The following LATS2 variants were observed in gnomAD, a reference collection of about 807,000 sequenced individuals.
The protein encoded by LATS2 is large tumor suppressor kinase 2, also known as serine/threonine-protein kinase LATS2.
Under a neutral mutation model 76.0 loss-of-function variants are expected in LATS2, and 24 were observed. The observed-to-expected ratio is 0.32, with a 90% CI of 0.23 to 0.44. LATS2 has a LOEUF of 0.44. Ranked by LOEUF, LATS2 falls within the 20% of genes least tolerant of loss-of-function variation. The pLI is 1.00. For missense variants in LATS2, 1,286 were observed against 1,481.2 expected (o/e 0.87, Z 2.16); for synonymous variants, 692 against 635.4 (o/e 1.09, Z -1.34).
intron 2 of LATS2, among the ~76,000 whole-genome samples, chr13:21,023,860 C>T (rs970515012): frequency 6.6e-6 from 1 of 151,556 alleles, no homozygotes; most frequent in Non-Finnish European, 1.5e-5. Context: ...ATAATTTCAG[C>T]TATTCAGGAG....
At chr13:20,987,030 C>T (rs1280056429) in intron 4 of LATS2, among the ~76,000 whole-genome samples, 1 of 152,052 alleles carries the variant, frequency 6.6e-6, no homozygotes. Context: ...CCCGTCTCTA[C>T]TAAAAACACA....
At position 20,973,980 on chromosome 13, in the gene LATS2, C is replaced by T. The variant is rs369490836; in HGVS notation, c.*890G>A. ...TGACAAATGTTTCAGTTCCCCCCCC[C>T]CAAAGAATCCAATCACAACCAAGAC... On this transcript the variant is annotated 3_prime_UTR_variant, in exon 8 of 8. Coordinates refer to ENST00000382592, the MANE Select transcript of LATS2 (RefSeq NM_014572.3). 9.9e-6 allele frequency: 2 copies of T among 201,842 alleles called. No individual in the cohort carries two copies. The highest frequency in any genetic ancestry group is 2.0e-5 in the Non-Finnish European group (2 of 101,786). The allele number at this position is 201,842 out of a possible 1,614,324, so 12.5% of individuals were successfully genotyped here.
intron 1 of LATS2, among the ~76,000 whole-genome samples, chr13:21,058,346 G>T (rs1337518216): frequency 6.6e-6 from 1 of 152,124 alleles, no homozygotes; most frequent in Admixed American, 6.6e-5. Context: ...ATACAAAAAA[G>T]AACACCTCTC....
Position 21,027,748 on chromosome 13 carries a change from C to T in LATS2, c.342+17937G>A, listed in dbSNP as rs565399406. On this transcript the variant is annotated intron_variant, in intron 2 of 7. Transcript: ENST00000382592. ...TGCTTTTGCTATTCTAGGTACTTTGCAGTGCCATATGAATTCACAATCAGC... is the reference window on the plus strand; with the variant it reads ...TGCTTTTGCTATTCTAGGTACTTTGTAGTGCCATATGAATTCACAATCAGC... 4.6e-5 allele frequency among the ~76,000 whole-genome samples: 7 copies of T among 152,072 alleles called. No homozygotes were observed. In the South Asian group the frequency reaches 1.2e-3, roughly 27 times the overall value.
Position 20,989,229 on chromosome 13 carries a change from T to C in LATS2, c.551A>G (p.His184Arg), listed in dbSNP as rs1565945811. 6.2e-7 allele frequency: 1 copy of C among 1,613,878 alleles called. No homozygotes were observed. The highest frequency in any genetic ancestry group is 1.7e-5 in the Admixed American group (1 of 60,016). Residue 184 changes from histidine (H) to arginine (R), a missense_variant, in exon 4 of 8, where the codon CAC becomes CGC. Transcript: ENST00000382592. ...CTCGTAGGGGGTACCGCTCAGCTGG[T>C]GGTAGGACGCAAACGAATCGCCGGT... ...EGTGDSFASY[H>R]QLSGTPYEGP...
At chr13:21,025,644 G>A (rs1872283484) in intron 2 of LATS2, among the ~76,000 whole-genome samples, 1 of 152,170 alleles carries the variant, frequency 6.6e-6, no homozygotes, top group Non-Finnish European at 1.5e-5. Flanking sequence ...CATTAGGTCT[G>A]CACTCATTGA....
At chr13:21,000,155 G>A (rs1426881303) in intron 2 of LATS2, among the ~76,000 whole-genome samples, 1 of 152,230 alleles carries the variant, frequency 6.6e-6, no homozygotes, top group Non-Finnish European at 1.5e-5. Context: ...GCCGAGGCGG[G>A]CAGATCACAA....
At chr13:21,038,625 T>C (rs1872758087) in intron 2 of LATS2, 1 of 152,192 alleles carries the variant, frequency 6.6e-6, no homozygotes, top group Non-Finnish European at 1.5e-5. Context: ...AATCGCACCT[T>C]GGACAAACTT....
At position 20,989,160 on chromosome 13, in the gene LATS2, A is replaced by T. The variant is rs1158753279; in HGVS notation, c.620T>A (p.Met207Lys). 1 of 1,612,698 alleles carries T rather than the reference A, an allele frequency of 6.2e-7. No individual in the cohort carries two copies. Among genetic ancestry groups the T allele is most frequent in the Non-Finnish European group, 8.5e-7 (1 of 1,179,800 alleles). Residue 207 changes from methionine (M) to lysine (K), a missense_variant, in exon 4 of 8, where the codon ATG becomes AAG. This residue lies in a region of LATS2 where 710 missense variants were observed against 660.9 expected (regional missense o/e 1.07). Transcript: ENST00000382592. ...AAGGTAGTCCACGTACGGCCGCGGC[A>T]TCTCCTCCAGCGCCGTGGGGCCGTC... The part of the protein sequence containing the change: ...GADGPTALEE[M>K]PRPYVDYLFP...
intron 2 of LATS2, among the ~76,000 whole-genome samples, chr13:21,002,543 T>C (rs1359805695): frequency 6.6e-6 from 1 of 151,870 alleles, no homozygotes. Context: ...ACCCAGCTAA[T>C]TTTCTGTATT....
In LATS2 at chr13:20,989,042, G is replaced by A. The variant is rs747132216; in HGVS notation, c.738C>T (p.Phe246=). The A allele has an allele frequency of 1.3e-5, 20 of 1,570,748 alleles. No homozygotes were observed. In the African/African-American group the frequency reaches 2.3e-4, roughly 18 times the overall value. ...GASVEAAGAH[F]PLQGAHYGRP... ...GCCCGTAGTGCGCGCCCTGCAGCGG[G>A]AAGTGTGCCCCTGCTGCCTCTACGC... Residue 246 remains phenylalanine (F), a synonymous_variant, in exon 4 of 8, where the codon TTC becomes TTT. Transcript: ENST00000382592.
intron 2 of LATS2, among the ~76,000 whole-genome samples, chr13:21,039,750 CA>C (rs1157460180): frequency 1.3e-5 from 2 of 152,198 alleles, no homozygotes; most frequent in African/African-American, 4.8e-5. Flanking sequence ...ACACAATGCC[CA>C]ATGCATGGAG....
At position 20,983,561 on chromosome 13, in the gene LATS2, G is replaced by T. The variant is rs761628306; in HGVS notation, c.2145C>A (p.Ala715=). The part of the protein sequence containing the change: ...LNRNQVAHVK[A]ERDILAEADN... ...CTGCCTCGGCCAGGATGTCCCTCTC[G>T]GCCTTGACGTGGGCCACCTGATTCC... Residue 715 remains alanine, a synonymous_variant, in exon 5 of 8, where the codon GCC becomes GCA. Coordinates refer to ENST00000382592, the MANE Select transcript of LATS2 (RefSeq NM_014572.3). The T allele has an allele frequency of 1.2e-6, 2 of 1,614,084 alleles. No homozygotes were observed. Among genetic ancestry groups the T allele is most frequent in the Non-Finnish European group, 1.7e-6 (2 of 1,180,014 alleles).
rs1870489528 is a variant in LATS2, at chr13:20,991,128, C to CA, written c.475+143dup. 15 of 1,062,324 alleles carry CA rather than the reference C, an allele frequency of 1.4e-5. No individual in the cohort carries two copies. The South Asian group carries it at 2.1e-4, about 15-fold the overall frequency. 65.8% of individuals were successfully genotyped at this position (1,062,324 alleles called of 1,614,324 possible). A position where few individuals can be genotyped will look rare whatever the true frequency, so the allele number is the denominator to read the frequency against. The stretch of plus-strand genomic sequence containing the variant: ...TGACTCTGTCAGGGCAGGGCAGGCT[C>CA]AGCTTGCCTGTTAACTGAATGAGGC... On this transcript the variant is annotated intron_variant, in intron 3 of 7. Coordinates refer to ENST00000382592, the MANE Select transcript of LATS2 (RefSeq NM_014572.3). This position sits in a 1 kb window ranked among gnomAD's most constrained non-coding sequence, Gnocchi z 4.9.
In LATS2 at chr13:20,987,996, T is replaced by C. The variant is rs1307289826; in HGVS notation, c.1784A>G (p.Lys595Arg). 6.2e-7 allele frequency: 1 copy of C among 1,614,284 alleles called. No homozygotes were observed. The change falls in exon 4 of 8, where the codon AAG (lysine) becomes AGG (arginine). Residue 595 changes from lysine to arginine, a missense_variant. Physicochemically the swap from Lys to Arg is conservative, Grantham distance 26. Around this residue, in one of 5 missense-constraint regions of LATS2, gnomAD observed 710 missense variants for 660.9 expected, o/e 1.07. Coordinates refer to ENST00000382592, the MANE Select transcript of LATS2 (RefSeq NM_014572.3). ...CTTAAAGGCGTATGGCGAGTAGCTC[T>C]TGATGCGTGACTCTCTCTTCTCTTC... The part of the protein sequence containing the change: ...RDEEKRESRI[K>R]SYSPYAFKFF...
At position 20,981,484 on chromosome 13, in the gene LATS2, C is replaced by T. The variant is rs1869880018; in HGVS notation, c.2647G>A (p.Glu883Lys). 1 of 1,613,676 alleles carries T rather than the reference C, an allele frequency of 6.2e-7. No homozygotes were observed. The highest frequency in any genetic ancestry group is 8.5e-7 in the Non-Finnish European group (1 of 1,179,806). ...CATGTACCTTTGCGGAGGAGCACCT[C>T]GGGTGCGATGTAGTTTGGAGTCCCC... ...LVGTPNYIAP[E>K]VLLRKGYTQL... Residue 883 changes from glutamate to lysine, a missense_variant, in exon 6 of 8, where the codon GAG (glutamate) becomes AAG (lysine). This residue lies in a region of LATS2 where 247 missense variants were observed against 385.4 expected (regional missense o/e 0.64). Coordinates refer to ENST00000382592, the MANE Select transcript of LATS2 (RefSeq NM_014572.3).
chr13:20,978,442 T>C (rs1869726916), intron 7 of LATS2, among the ~76,000 whole-genome samples: 1 of 152,318 alleles, frequency 6.6e-6, no homozygotes, highest in African/African-American at 2.4e-5. Context: ...AATAATTTAG[T>C]ATTAAATGAC....
intron 2 of LATS2, among the ~76,000 whole-genome samples, chr13:21,004,606 G>A (rs1356938616): frequency 1.3e-5 from 2 of 152,192 alleles, no homozygotes; most frequent in African/African-American, 4.8e-5. Flanking sequence ...TAGGAAACCA[G>A]CAATGCAGTG....
At chr13:21,017,611 T>C (rs531869155) in intron 2 of LATS2, among the ~76,000 whole-genome samples, 47 of 139,972 alleles carry the variant, frequency 3.4e-4, no homozygotes, top group Non-Finnish European at 5.6e-4. Context: ...CTTCAAAAGA[T>C]GACTCATTTC....
Sources: gnomAD v4.1 joint callset for allele counts (sites outside exome capture counted in the v4.1 genomes callset) on GRCh38, gnomAD v4.1.1 for gene constraint, gnomAD v4.1.1 regional missense constraint, Gnocchi (gnomAD v3.1) non-coding constraint, MANE v1.5 for transcripts, NCBI Gene and HGNC (gene_info 2026-07-23, HGNC 2026-07-21) for gene names.